FAM185A: variants seen among roughly 807,000 people sequenced by gnomAD.
The protein encoded by FAM185A is protein FAM185A.
A neutral mutation model predicts 45.7 loss-of-function variants in FAM185A; 21 were observed. That is an observed-to-expected ratio of 0.46 (90% CI 0.33 to 0.66). FAM185A has a LOEUF of 0.66. Ranked by LOEUF, FAM185A falls within the 30% of genes least tolerant of loss-of-function variation. The probability of loss-of-function intolerance (pLI) is 0.03; values close to 1 mark genes in which losing one functional copy is unlikely to be tolerated. For synonymous variants in FAM185A, 117 were observed against 194.0 expected (o/e 0.60, Z 3.30); for missense variants, 305 against 485.4 (o/e 0.63, Z 3.49).
chr7:102,834,086 A>AAGGG, the FAM185A span, among the ~76,000 whole-genome samples: 3 of 93,696 alleles, frequency 3.2e-5, no homozygotes, highest in African/African-American at 1.4e-4. Flanking sequence ...GGAAGGAAAG[A>AAGGG]AAAGAAAGAA....
chr7:102,812,191 T>C (rs1437829253), downstream of FAM185A, among the ~76,000 whole-genome samples: 3 of 152,228 alleles, frequency 2.0e-5, no homozygotes, highest in African/African-American at 7.2e-5. Flanking sequence ...ACATCAGTGT[T>C]ACATAATATC....
At chr7:102,790,476 T>C (rs1296811494) in intron 7 of FAM185A, among the ~76,000 whole-genome samples, 1 of 152,260 alleles carries the variant, frequency 6.6e-6, no homozygotes, top group East Asian at 1.9e-4. Flanking sequence ...CCAAGAGAGT[T>C]ACCTATTTTT....
At chr7:102,813,394 A>T, downstream of FAM185A, 1 of 1,614,032 alleles carries the variant, frequency 6.2e-7, no homozygotes, top group African/African-American at 1.3e-5. Flanking sequence ...TGTTAATTCT[A>T]AGGCTCCTTT....
chr7:102,805,521 G>T (rs1445480023), intron 7 of FAM185A, among the ~76,000 whole-genome samples: 9 of 151,844 alleles, frequency 5.9e-5, no homozygotes, highest in African/African-American at 2.2e-4. Flanking sequence ...TGGACTTTGG[G>T]GACGTGGGGG....
intron 3 of FAM185A, among the ~76,000 whole-genome samples, chr7:102,760,936 A>C (rs1384959853): frequency 6.6e-6 from 1 of 152,234 alleles, no homozygotes; most frequent in African/African-American, 2.4e-5. Context: ...GGATAAAATG[A>C]AATTTTAAAA....
At chr7:102,799,694 T>C (rs1796658666) in intron 7 of FAM185A, among the ~76,000 whole-genome samples, 1 of 152,216 alleles carries the variant, frequency 6.6e-6, no homozygotes, top group Non-Finnish European at 1.5e-5. Flanking sequence ...ACTACGTATC[T>C]ATACCATATC....
the FAM185A span, among the ~76,000 whole-genome samples, chr7:102,834,072 GGAAGGAAGGAAA>G: frequency 2.7e-4 from 30 of 109,312 alleles, 1 homozygote; most frequent in Admixed American, 3.1e-4. Context: ...AAGGAAGGAA[GGAAGGAAGGAAA>G]GAAAAGAAAG....
At chr7:102,751,862 C>T (rs982448419) in intron 2 of FAM185A, 61 bp downstream of exon 2, 84 of 706,158 alleles carry the variant, frequency 1.2e-4, no homozygotes, top group Middle Eastern at 1.0e-3. Context: ...AGCTATGAAT[C>T]GTACTATCAA....
Position 102,769,755 on chromosome 7 carries a change from G to A in FAM185A, c.794-2654G>A, listed in dbSNP as rs1175985484. ...CCGCATCTGGTGAGAGCCTTCTTGC[G>A]GATAGGGGCTCTGCAGAGTCATGAA... On this transcript the variant is annotated intron_variant, in intron 4 of 7. Transcript: ENST00000413034. Among the ~76,000 whole-genome samples, 5 of 151,806 alleles carry A rather than the reference G, an allele frequency of 3.3e-5. No homozygotes were observed. In the East Asian group the frequency reaches 9.7e-4, roughly 30 times the overall value.
the FAM185A span, among the ~76,000 whole-genome samples, chr7:102,830,025 A>G: frequency 2.6e-5 from 4 of 152,172 alleles, no homozygotes; most frequent in South Asian, 4.1e-4. Flanking sequence ...ACTCCTTTGT[A>G]TCAGCGTTCT....
the FAM185A span, chr7:102,833,035 T>C: frequency 1.3e-6 from 2 of 1,549,456 alleles, no homozygotes; most frequent in Non-Finnish European, 1.8e-6. Context: ...CTGTCTTACT[T>C]ATAGTAGCTT....
intron 6 of FAM185A, chr7:102,779,593 C>T (rs1197457248): frequency 1.3e-5 from 2 of 152,080 alleles, no homozygotes; most frequent in Non-Finnish European, 2.9e-5. Flanking sequence ...CTGAAATCTT[C>T]CAGGGTTGTT....
chr7:102,749,637 G>T lies in FAM185A; in HGVS notation c.430G>T (p.Val144Leu). The change falls in exon 1 of 8, where the codon GTG (valine) becomes TTG (leucine). Residue 144 changes from valine (V) to leucine (L), a missense_variant. Val to Leu is a conservative substitution (Grantham distance 32). This residue lies in a region of FAM185A where 174 missense variants were observed against 247.1 expected (regional missense o/e 0.70). Transcript: ENST00000413034. ...TATCCACCCCCAGGCGTCCGTGGAG[G>T]TGAACGCGCCCCTGAAGTTTGGCAA... ...DTIHPQASVE[V>L]NAPLKFGLDI... The T allele has an allele frequency of 6.7e-7, 1 of 1,483,724 alleles. No individual in the cohort carries two copies. Among genetic ancestry groups the T allele is most frequent in the South Asian group, 1.4e-5 (1 of 71,814 alleles). The allele number at this position is 1,483,724 out of a possible 1,614,324, so 91.9% of individuals were successfully genotyped here. A position where few individuals can be genotyped will look rare whatever the true frequency, so the allele number is the denominator to read the frequency against.
In FAM185A at chr7:102,749,372, T is replaced by A; in HGVS notation, c.165T>A (p.Pro55=). ...GGCCCGGATCGGAGACTGAGGTCCC[T>A]CCGCCTGGCCCGGGGCGCCGAACTC... The part of the protein sequence containing the change: ...ERWPGSETEV[P]PPGPGRRTLK... Residue 55 remains proline (P), a synonymous_variant, in exon 1 of 8, where the codon CCT becomes CCA. Transcript: ENST00000413034. The A allele has an allele frequency of 6.5e-7, 1 of 1,548,630 alleles. No individual in the cohort carries two copies. The highest frequency in any genetic ancestry group is 8.7e-7 in the Non-Finnish European group (1 of 1,146,588).
At chr7:102,846,382 C>T in the FAM185A span, among the ~76,000 whole-genome samples, 2 of 152,116 alleles carry the variant, frequency 1.3e-5, no homozygotes. Context: ...ACTTTGGAGG[C>T]TGAGGCAGGC....
chr7:102,842,547 G>A, the FAM185A span, among the ~76,000 whole-genome samples: 2 of 152,238 alleles, frequency 1.3e-5, no homozygotes, highest in African/African-American at 4.8e-5. Flanking sequence ...AGAAAGTTTA[G>A]TGATTCAAAC....
chr7:102,762,195 CTGT>C lies in FAM185A; in HGVS notation c.793+789_793+791del, dbSNP rs543313057. Among the ~76,000 whole-genome samples the C allele has an allele frequency of 7.9e-4, 121 of 152,262 alleles. 1 individual carries two copies. Among genetic ancestry groups the C allele is most frequent in the African/African-American group, 2.6e-3 (110 of 41,546 alleles). ...ACTGGCACCAGGTTTTCTCAGCACC[CTGT>C]TGTTTCCATTTTCTTTGATAAATAT... On this transcript the variant is annotated intron_variant, in intron 4 of 7. Transcript: ENST00000413034.
At chr7:102,754,169 G>A (rs1242335268) in intron 2 of FAM185A, among the ~76,000 whole-genome samples, 8 of 151,980 alleles carry the variant, frequency 5.3e-5, no homozygotes, top group African/African-American at 1.7e-4. Flanking sequence ...TTAACTTAAG[G>A]ACTTGAAATA....
chr7:102,777,218 G>A, intron 5 of FAM185A, 35 bp from the exon 6 acceptor site: 1 of 1,549,338 alleles, frequency 6.5e-7, no homozygotes, highest in South Asian at 1.2e-5. Context: ...TATCAAGTAA[G>A]AATTATTTTA....
Sources: gnomAD v4.1 joint callset for allele counts (sites outside exome capture counted in the v4.1 genomes callset) on GRCh38, gnomAD v4.1.1 for gene constraint, gnomAD v4.1.1 regional missense constraint, MANE v1.5 for transcripts, NCBI Gene and HGNC (gene_info 2026-07-23, HGNC 2026-07-21) for gene names.